The following TRAM1 variants were observed in gnomAD, a reference collection of about 807,000 sequenced individuals.
TRAM1 encodes translocation associated membrane protein 1.
In TRAM1, 17 loss-of-function variants were observed where a neutral mutation model predicts 48.7. The observed-to-expected ratio is 0.35, with a 90% confidence interval of 0.24 to 0.52. TRAM1 has a LOEUF of 0.52. Ranked by LOEUF, TRAM1 falls within the 20% of genes least tolerant of loss-of-function variation. TRAM1 has a pLI of 0.94. For synonymous variants in TRAM1, 182 were observed against 154.0 expected (o/e 1.18, Z -1.34); for missense variants, 351 against 441.5 (o/e 0.79, Z 1.84).
intron 6 of TRAM1, among the ~76,000 whole-genome samples, chr8:70,588,441 T>C (rs1250839850): frequency 6.6e-6 from 1 of 152,036 alleles, no homozygotes; most frequent in African/African-American, 2.4e-5. Flanking sequence ...GTTTTAAAAA[T>C]TAGCCAGGCA....
chr8:70,593,533 C>T (rs1469703218), intron 6 of TRAM1, among the ~76,000 whole-genome samples: 1 of 151,138 alleles, frequency 6.6e-6, no homozygotes, highest in East Asian at 1.9e-4. Context: ...TATCCCTCTT[C>T]ACTTTCCTTC....
chr8:70,605,156 C>T (rs1039806814), intron 1 of TRAM1, among the ~76,000 whole-genome samples: 5 of 152,106 alleles, frequency 3.3e-5, no homozygotes, highest in African/African-American at 1.2e-4. Context: ...CATAAAAATG[C>T]TTTCTATTTC....
chr8:70,583,386 A>G (rs889381857), intron 9 of TRAM1, 62 bp from the exon 10 acceptor site: 1 of 1,506,316 alleles, frequency 6.6e-7, no homozygotes, highest in African/African-American at 1.4e-5. Flanking sequence ...AATACATTCT[A>G]TCATCTTTCA....
At chr8:70,600,791 T>G (rs1028744406) in intron 1 of TRAM1, among the ~76,000 whole-genome samples, 14 of 151,316 alleles carry the variant, frequency 9.3e-5, no homozygotes, top group Admixed American at 7.9e-4. Flanking sequence ...ACAATGAGCT[T>G]TGTTGGTTTT....
intron 10 of TRAM1, among the ~76,000 whole-genome samples, chr8:70,578,633 GA>G (rs1256205880): frequency 6.6e-6 from 1 of 151,506 alleles, no homozygotes; most frequent in Non-Finnish European, 1.5e-5. Context: ...ACCCTGTTTC[GA>G]AAAAAAAGAA....
intron 1 of TRAM1, among the ~76,000 whole-genome samples, chr8:70,602,251 G>T (rs1279556622): frequency 1.3e-5 from 2 of 152,212 alleles, no homozygotes; most frequent in Non-Finnish European, 1.5e-5. Flanking sequence ...GTGAGAGCAG[G>T]AGCTGCATTG....
chr8:70,600,484 T>C (rs936817723), intron 1 of TRAM1, among the ~76,000 whole-genome samples: 4 of 152,150 alleles, frequency 2.6e-5, no homozygotes, highest in African/African-American at 7.2e-5. Context: ...AGATCAAATA[T>C]AGGGTCTGTG....
At chr8:70,598,071 G>A in intron 3 of TRAM1, 60 bp from the exon 4 acceptor site, 4 of 1,548,736 alleles carry the variant, frequency 2.6e-6, no homozygotes, top group Non-Finnish European at 3.5e-6. Flanking sequence ...TTTAATATAT[G>A]ACTAGCAGAT....
chr8:70,588,969 T>C (rs1374808506), intron 6 of TRAM1, among the ~76,000 whole-genome samples: 1 of 152,212 alleles, frequency 6.6e-6, no homozygotes, highest in African/African-American at 2.4e-5. Context: ...AACTTATCTC[T>C]TGCATTTAGC....
intron 8 of TRAM1, among the ~76,000 whole-genome samples, chr8:70,586,146 C>A (rs1817213765): frequency 1.3e-5 from 2 of 151,064 alleles, no homozygotes; most frequent in African/African-American, 2.4e-5. Flanking sequence ...AACTGGAAAC[C>A]ATCATTCTCA....
intron 1 of TRAM1, 150 bp from the exon 2 acceptor site, chr8:70,600,232 A>G (rs995766572): frequency 3.1e-5 from 19 of 620,350 alleles, no homozygotes; most frequent in Middle Eastern, 2.5e-4. Flanking sequence ...AATGGAAATT[A>G]CTGATTGCCA....
chr8:70,606,938 C>G (rs1817732873), intron 1 of TRAM1: 1 of 820,320 alleles, frequency 1.2e-6, no homozygotes, highest in Non-Finnish European at 1.5e-6. Flanking sequence ...CGTCGCTCAT[C>G]TTTTTTTAAG....
At chr8:70,587,986 G>C (rs1462536070) in intron 6 of TRAM1, among the ~76,000 whole-genome samples, 1 of 152,042 alleles carries the variant, frequency 6.6e-6, no homozygotes, top group Non-Finnish European at 1.5e-5. Context: ...GGAGGCCGAG[G>C]TGGGAGGATC....
At chr8:70,601,950 A>G (rs1563391119) in intron 1 of TRAM1, among the ~76,000 whole-genome samples, 2 of 152,326 alleles carry the variant, frequency 1.3e-5, no homozygotes, top group South Asian at 4.1e-4. Context: ...TACATAAATC[A>G]TATATGGAGA....
intron 6 of TRAM1, 77 bp from the exon 7 acceptor site, chr8:70,587,253 A>G: frequency 6.9e-7 from 1 of 1,440,322 alleles, no homozygotes; most frequent in East Asian, 2.4e-5. Context: ...TGGTCTTGCT[A>G]TGTTGCCCAG....
chr8:70,585,800 T>C (rs964552193), intron 8 of TRAM1, among the ~76,000 whole-genome samples: 9 of 104,824 alleles, frequency 8.6e-5, no homozygotes, highest in African/African-American at 2.1e-4. Flanking sequence ...TGTGGAGAAA[T>C]AGGAACACTT....
chr8:70,583,438 T>C (rs756767080), intron 9 of TRAM1, 114 bp from the exon 10 acceptor site: 1 of 1,329,470 alleles, frequency 7.5e-7, no homozygotes, highest in Non-Finnish European at 1.0e-6. Flanking sequence ...GAAAATTGTA[T>C]TAATAATCAT....
chr8:70,580,452 A>C (rs1175052572), intron 10 of TRAM1, among the ~76,000 whole-genome samples: 1 of 152,188 alleles, frequency 6.6e-6, no homozygotes. Flanking sequence ...ACAAAACCCC[A>C]CAAGGTTATC....
chr8:70,577,910 C>T (rs574630582), intron 10 of TRAM1, among the ~76,000 whole-genome samples: 1 of 152,378 alleles, frequency 6.6e-6, no homozygotes, highest in South Asian at 2.1e-4. Flanking sequence ...TGCAGCCTCA[C>T]ACAGAGCCAG....
Sources: gnomAD v4.1 joint callset for allele counts (sites outside exome capture counted in the v4.1 genomes callset) on GRCh38, gnomAD v4.1.1 for gene constraint, MANE v1.5 for transcripts, NCBI Gene and HGNC (gene_info 2026-07-23, HGNC 2026-07-21) for gene names.